Variants in OCIAD1 observed in about 807,000 individuals in gnomAD.
The protein encoded by OCIAD1 is OCIA domain-containing protein 1.
OCIAD1 carries 29 observed loss-of-function variants against 38.9 expected under a neutral mutation model. The ratio of observed to expected loss-of-function variants is 0.74; its 90% CI spans 0.55 to 1.02. The LOEUF (loss-of-function observed/expected upper bound fraction) is 1.02, where lower values mean the gene tolerates loss of function less well. Ranked by LOEUF, OCIAD1 falls within the 50% of genes least tolerant of loss-of-function variation. The pLI is 0.00. For synonymous variants in OCIAD1, 110 were observed against 92.0 expected (o/e 1.20, Z -1.12); for missense variants, 288 against 289.6 (o/e 0.99, Z 0.04).
At chr4:48,809,968 T>C (rs73246040) in intron 1 of OCIAD1, among the ~76,000 whole-genome samples, 11 of 152,340 alleles carry the variant, frequency 7.2e-5, no homozygotes, top group Non-Finnish European at 1.5e-4. Context: ...TTACTAGCTC[T>C]GTGACATTGA....
At chr4:48,845,560 TCA>T (rs1276096263) in intron 4 of OCIAD1, among the ~76,000 whole-genome samples, 40 of 152,346 alleles carry the variant, frequency 2.6e-4, no homozygotes, top group African/African-American at 9.1e-4. Flanking sequence ...CAACAAAAAT[TCA>T]TTAACTCTTG....
At chr4:48,819,428 C>T (rs1304761264) in intron 1 of OCIAD1, among the ~76,000 whole-genome samples, 1 of 152,090 alleles carries the variant, frequency 6.6e-6, no homozygotes, top group African/African-American at 2.4e-5. Context: ...AAACTGGTAC[C>T]AGCCACTGCA....
chr4:48,814,839 G>A (rs1231724060), intron 1 of OCIAD1, among the ~76,000 whole-genome samples: 2 of 152,072 alleles, frequency 1.3e-5, no homozygotes, highest in African/African-American at 4.8e-5. Context: ...TATCTCAGAG[G>A]TATTAATAGA....
chr4:48,857,394 C>T (rs1290762915), intron 8 of OCIAD1, 29 bp downstream of exon 8: 3 of 1,446,566 alleles, frequency 2.1e-6, no homozygotes, highest in South Asian at 3.0e-5. Context: ...AATCACTTTA[C>T]TGTTGAGGAT....
At chr4:48,851,364 C>T (rs998679485) in intron 6 of OCIAD1, among the ~76,000 whole-genome samples, 3 of 152,220 alleles carry the variant, frequency 2.0e-5, no homozygotes, top group African/African-American at 7.2e-5. Flanking sequence ...AAACAGACCT[C>T]ATTTTACTGA....
intron 1 of OCIAD1, 39 bp from the exon 2 acceptor site, chr4:48,832,581 A>G: frequency 1.4e-6 from 2 of 1,471,906 alleles, no homozygotes; most frequent in African/African-American, 1.4e-5. Flanking sequence ...CTATCTAGTG[A>G]TAGTTTCTAA....
intron 8 of OCIAD1, among the ~76,000 whole-genome samples, chr4:48,858,437 C>T (rs965574505): frequency 9.9e-5 from 15 of 152,070 alleles, no homozygotes; most frequent in East Asian, 1.9e-4. Context: ...GGGTTTTTCT[C>T]GTGTTTTTTT....
At chr4:48,835,499 G>T (rs1209508399) in intron 3 of OCIAD1, among the ~76,000 whole-genome samples, 2 of 152,098 alleles carry the variant, frequency 1.3e-5, no homozygotes, top group Non-Finnish European at 2.9e-5. Flanking sequence ...GTTGGAAAAA[G>T]ACCTTTATTT....
intron 1 of OCIAD1, among the ~76,000 whole-genome samples, chr4:48,805,986 G>T (rs749411821): frequency 5.9e-5 from 9 of 152,160 alleles, no homozygotes; most frequent in Non-Finnish European, 1.2e-4. Flanking sequence ...AAAACAGGCC[G>T]GGCATGGTGG....
At chr4:48,851,550 T>C (rs1279001004) in intron 6 of OCIAD1, among the ~76,000 whole-genome samples, 1 of 151,978 alleles carries the variant, frequency 6.6e-6, no homozygotes, top group African/African-American at 2.4e-5. Flanking sequence ...GGCGCATGCC[T>C]GTAGTCCCAG....
chr4:48,812,861 G>T (rs1406950738), intron 1 of OCIAD1, among the ~76,000 whole-genome samples: 1 of 152,154 alleles, frequency 6.6e-6, no homozygotes, highest in Non-Finnish European at 1.5e-5. Flanking sequence ...TAAGCTGATG[G>T]GAATTTTCTT....
chr4:48,823,469 G>A (rs1777214846), intron 1 of OCIAD1, among the ~76,000 whole-genome samples: 1 of 151,674 alleles, frequency 6.6e-6, no homozygotes, highest in African/African-American at 2.4e-5. Flanking sequence ...CTAGATGGAA[G>A]GTTGACAGGT....
chr4:48,824,273 C>T (rs575508380), intron 1 of OCIAD1, among the ~76,000 whole-genome samples: 41 of 152,200 alleles, frequency 2.7e-4, no homozygotes, highest in Non-Finnish European at 4.9e-4. Flanking sequence ...TGAGCCACTG[C>T]GCCCAGCCTG....
At chr4:48,824,312 A>AT (rs1260370692) in intron 1 of OCIAD1, among the ~76,000 whole-genome samples, 1 of 152,076 alleles carries the variant, frequency 6.6e-6, no homozygotes, top group African/African-American at 2.4e-5. Flanking sequence ...TTAACAAGAA[A>AT]TTTTGAATGC....
chr4:48,831,275 C>T (rs1777459142), intron 1 of OCIAD1, 26 bp downstream of exon 1: 3 of 352,524 alleles, frequency 8.5e-6, no homozygotes, highest in South Asian at 4.2e-5. Context: ...CAAACAGCCC[C>T]GTTGTTGCCC....
intron 2 of OCIAD1, 57 bp from the exon 3 acceptor site, chr4:48,833,344 T>C: frequency 9.7e-7 from 1 of 1,034,246 alleles, no homozygotes; most frequent in Non-Finnish European, 1.5e-6. Flanking sequence ...AGATAATTTT[T>C]CAGACCTAGT....
chr4:48,856,944 T>C (rs1312807578), intron 7 of OCIAD1: 1 of 199,494 alleles, frequency 5.0e-6, no homozygotes, highest in Non-Finnish European at 1.0e-5. Context: ...TTATGATACA[T>C]ATTTTTCTTC....
intron 4 of OCIAD1, among the ~76,000 whole-genome samples, chr4:48,845,870 A>G (rs564452570): frequency 6.6e-6 from 1 of 152,372 alleles, no homozygotes; most frequent in East Asian, 1.9e-4. Flanking sequence ...TGCCAGCATA[A>G]TTAATGCAAC....
At chr4:48,852,882 G>GTTTTTTTGTTTTTTTGTTTT (rs1779635252) in intron 7 of OCIAD1, among the ~76,000 whole-genome samples, 5 of 126,308 alleles carry the variant, frequency 4.0e-5, no homozygotes, top group African/African-American at 1.6e-4. Flanking sequence ...TTTGTTTTTT[G>GTTTTTTTGTTTTTTTGTTTT]TTTTTTTTTT....
Sources: allele counts gnomAD v4.1 joint callset (sites outside exome capture counted in the v4.1 genomes callset), GRCh38; gene constraint gnomAD v4.1.1; transcripts MANE v1.5; gene names NCBI Gene and HGNC (gene_info 2026-07-23, HGNC 2026-07-21).